MYT1L: variants seen among roughly 807,000 people sequenced by gnomAD.
MYT1L encodes the protein myelin transcription factor 1 like, also known as myelin transcription factor 1-like protein.
In MYT1L, 12 loss-of-function variants were observed where a neutral mutation model predicts 126.7. The observed-to-expected ratio is 0.09, with a 90% confidence interval of 0.06 to 0.15. MYT1L has a LOEUF of 0.15. Ranked by LOEUF, MYT1L falls within the 10% of genes least tolerant of loss-of-function variation. The pLI, the probability that MYT1L is intolerant of heterozygous loss-of-function variation, is 1.00. For synonymous variants in MYT1L, 541 were observed against 604.2 expected, an observed-to-expected ratio of 0.90 and a Z score of 1.53; for missense variants, 979 against 1,585.2, an observed-to-expected ratio of 0.62 and a Z score of 6.49.
intron 1 of MYT1L, among the ~76,000 whole-genome samples, chr2:2,317,527 G>A (rs1246771619): frequency 1.3e-5 from 2 of 151,756 alleles, no homozygotes; most frequent in East Asian, 3.9e-4. Flanking sequence ...CTCAATGCAG[G>A]GCTCCTTCAT....
At position 1,852,085 on chromosome 2, in the gene MYT1L, C is replaced by G. The variant is rs548727645; in HGVS notation, c.2712-382G>C. On this transcript the variant is annotated intron_variant, in intron 18 of 24. Transcript: ENST00000647738. This position sits in a 1 kb window ranked among gnomAD's most constrained non-coding sequence, Gnocchi z 4.0. Reference sequence around the variant, plus strand: ...ACCAGCCCACGTGGGAAGCAAGGCTCACACATGAACAGACATGCCCTGGGG... The same window carrying G: ...ACCAGCCCACGTGGGAAGCAAGGCTGACACATGAACAGACATGCCCTGGGG... Among the ~76,000 whole-genome samples, 2 of 152,322 alleles carry G rather than the reference C, an allele frequency of 1.3e-5. No individual in the cohort carries two copies. Among genetic ancestry groups the G allele is most frequent in the East Asian group, 3.9e-4 (2 of 5,178 alleles).
Position 1,922,068 on chromosome 2 carries a change from A to G in MYT1L, c.1483+218T>C, listed in dbSNP as rs1350397833. 2.6e-5 allele frequency among the ~76,000 whole-genome samples: 4 copies of G among 152,194 alleles called. No homozygotes were observed. The highest frequency in any genetic ancestry group is 5.9e-5 in the Non-Finnish European group (4 of 68,036). On this transcript the variant is annotated intron_variant, in intron 10 of 24. Transcript: ENST00000647738. The surrounding 1 kb of genome is among the most constrained non-coding windows in gnomAD (Gnocchi z 7.4). The stretch of plus-strand genomic sequence containing the variant: ...AAATATCCTACTATTCATCTGCTCT[A>G]GTAATATGATGTTAAGCTGCTTTAT...
At chr2:2,307,070 C>A (rs2095868589) in intron 1 of MYT1L, among the ~76,000 whole-genome samples, 2 of 152,112 alleles carry the variant, frequency 1.3e-5, no homozygotes, top group African/African-American at 2.4e-5. Context: ...GCAGAAGTAA[C>A]AGTGTGAGTC....
At chr2:2,122,025 CTT>C (rs1171017706) in intron 3 of MYT1L, among the ~76,000 whole-genome samples, 3 of 152,206 alleles carry the variant, frequency 2.0e-5, no homozygotes, top group African/African-American at 7.2e-5. Flanking sequence ...TTCCTACGCT[CTT>C]GTTAAACTGT....
chr2:2,013,078 C>G (rs6548047), intron 4 of MYT1L, among the ~76,000 whole-genome samples: 110,672 of 152,052 alleles, frequency 0.73, 41,521 homozygotes, highest in African/African-American at 0.94. Context: ...TACAGGAGAA[C>G]ACGCGATTCT....
chr2:2,308,799 C>G (rs1204337210), intron 1 of MYT1L, among the ~76,000 whole-genome samples: 1 of 151,680 alleles, frequency 6.6e-6, no homozygotes, highest in East Asian at 1.9e-4. Flanking sequence ...CCTATTTCAC[C>G]TACACTTTAC....
At chr2:2,329,084 G>A (rs1478154699) in intron 1 of MYT1L, among the ~76,000 whole-genome samples, 2 of 152,210 alleles carry the variant, frequency 1.3e-5, no homozygotes, top group Non-Finnish European at 2.9e-5. Flanking sequence ...AGGCAGAGAA[G>A]CCTGCTCACA....
At chr2:2,111,983 T>C (rs1298333921) in intron 3 of MYT1L, among the ~76,000 whole-genome samples, 2 of 152,256 alleles carry the variant, frequency 1.3e-5, no homozygotes, top group East Asian at 1.9e-4. Flanking sequence ...CTGTTCTATA[T>C]TGTTCTTTGA....
chr2:2,004,783 CATTCTTTCCTGCATGT>C (rs142264480), intron 4 of MYT1L, among the ~76,000 whole-genome samples: 1,029 of 87,800 alleles, frequency 0.012, 4 homozygotes, highest in South Asian at 0.017. Context: ...TTCCTGCAGG[CATTCTTTCCTGCATGT>C]GTTCTTTCCT....
At chr2:2,304,866 TCACTA>T (rs2095838273) in intron 1 of MYT1L, among the ~76,000 whole-genome samples, 1 of 152,180 alleles carries the variant, frequency 6.6e-6, no homozygotes, top group Non-Finnish European at 1.5e-5. Flanking sequence ...GAAGAAACGA[TCACTA>T]AGAATGAACT....
intron 13 of MYT1L, among the ~76,000 whole-genome samples, chr2:1,907,573 TAG>T (rs950145718): frequency 4.6e-5 from 7 of 152,102 alleles, no homozygotes; most frequent in Admixed American, 4.6e-4. Flanking sequence ...AGGCTTCAGC[TAG>T]AGGGCCATAC....
intron 9 of MYT1L, among the ~76,000 whole-genome samples, chr2:1,924,625 G>A (rs1558418732): frequency 6.6e-6 from 1 of 152,130 alleles, no homozygotes; most frequent in African/African-American, 2.4e-5. Context: ...ATTATCCCAC[G>A]CTGAAGGAAC....
At chr2:2,312,749 C>T (rs1360002696) in intron 1 of MYT1L, among the ~76,000 whole-genome samples, 2 of 152,100 alleles carry the variant, frequency 1.3e-5, no homozygotes, top group African/African-American at 4.8e-5. Context: ...CGGCATTAGG[C>T]TAACCAAGGA....
chr2:2,152,244 C>T (rs1322091851), intron 3 of MYT1L, among the ~76,000 whole-genome samples: 3 of 152,256 alleles, frequency 2.0e-5, no homozygotes, highest in Non-Finnish European at 4.4e-5. Context: ...GGGTAGCCCA[C>T]AGGGCGTGCA....
chr2:2,275,519 C>G (rs2095344152), intron 2 of MYT1L, among the ~76,000 whole-genome samples: 1 of 152,014 alleles, frequency 6.6e-6, no homozygotes, highest in African/African-American at 2.4e-5. Flanking sequence ...AAGAACAAAA[C>G]CAGGAGAGGG....
chr2:1,867,720 G>A (rs2045770369), intron 18 of MYT1L, among the ~76,000 whole-genome samples: 1 of 152,086 alleles, frequency 6.6e-6, no homozygotes. Context: ...TGGCAGTCTG[G>A]ATGCAATGAA....
At chr2:1,846,341 C>T (rs889572305) in intron 19 of MYT1L, among the ~76,000 whole-genome samples, 8 of 152,194 alleles carry the variant, frequency 5.3e-5, no homozygotes, top group Admixed American at 1.3e-4. Flanking sequence ...TGGAATTCCA[C>T]GCTGGCATTT....
chr2:2,295,099 C>T (rs2095651849), intron 1 of MYT1L, among the ~76,000 whole-genome samples: 1 of 152,124 alleles, frequency 6.6e-6, no homozygotes, highest in African/African-American at 2.4e-5. Flanking sequence ...ATCCGCCTTT[C>T]CTGATCACAG....
rs188793823 is a variant in MYT1L, at chr2:2,044,958, G to A, written c.-158+9020C>T. ...TTGCACTAATTGGATATCTGTGCTT[G>A]CAAGGATGATGGCACAAGTAGGAGG... On this transcript the variant is annotated intron_variant, in intron 4 of 24. Coordinates refer to ENST00000647738, the MANE Select transcript of MYT1L (RefSeq NM_001303052.2). 1.6e-4 allele frequency among the ~76,000 whole-genome samples: 25 copies of A among 152,290 alleles called. No homozygotes were observed. The East Asian group carries it at 3.9e-3, about 24-fold the overall frequency.
Sources: gnomAD v4.1 joint callset for allele counts (sites outside exome capture counted in the v4.1 genomes callset) on GRCh38, gnomAD v4.1.1 for gene constraint, Gnocchi (gnomAD v3.1) non-coding constraint, MANE v1.5 for transcripts, NCBI Gene and HGNC (gene_info 2026-07-23, HGNC 2026-07-21) for gene names.